RUFY3: variants seen among roughly 807,000 people sequenced by gnomAD.
RUFY3 encodes the protein RUN and FYVE domain containing 3.
RUFY3 carries 34 observed loss-of-function variants against 84.0 expected under a neutral mutation model. The observed-to-expected ratio is 0.40, with a 90% confidence interval of 0.31 to 0.54. The LOEUF (loss-of-function observed/expected upper bound fraction) is 0.54, where lower values mean the gene tolerates loss of function less well. Ranked by LOEUF, RUFY3 falls within the 20% of genes least tolerant of loss-of-function variation. The probability of loss-of-function intolerance (pLI) is 0.39; values close to 1 mark genes in which losing one functional copy is unlikely to be tolerated. For synonymous variants in RUFY3, 242 were observed against 252.9 expected, an observed-to-expected ratio of 0.96 and a Z score of 0.41; for missense variants, 507 against 736.8, an observed-to-expected ratio of 0.69 and a Z score of 3.61.
chr4:70,801,174 A>AG (rs1172382525), intron 15 of RUFY3, among the ~76,000 whole-genome samples: 1 of 152,092 alleles, frequency 6.6e-6, no homozygotes. Context: ...AAAAAAAAAA[A>AG]AAAAAAATCA....
intron 8 of RUFY3, among the ~76,000 whole-genome samples, chr4:70,779,228 A>G (rs1351177571): frequency 1.3e-5 from 2 of 152,184 alleles, no homozygotes; most frequent in Admixed American, 1.3e-4. Flanking sequence ...AAGATCAGTA[A>G]TCCCTGCCTA....
intron 5 of RUFY3, among the ~76,000 whole-genome samples, chr4:70,769,936 C>G (rs1164640083): frequency 1.3e-5 from 2 of 152,166 alleles, no homozygotes; most frequent in Non-Finnish European, 2.9e-5. Context: ...AATCCTCATG[C>G]CTCATCCTCC....
At chr4:70,762,462 T>C in intron 1 of RUFY3, 57 bp from the exon 2 acceptor site, 2 of 1,484,310 alleles carry the variant, frequency 1.3e-6, no homozygotes, top group Non-Finnish European at 1.8e-6. Context: ...TAATACTGAA[T>C]TTTAAAATGT....
intron 1 of RUFY3, among the ~76,000 whole-genome samples, chr4:70,705,697 TAA>T (rs1740239356): frequency 6.6e-6 from 1 of 152,102 alleles, no homozygotes. Context: ...CGAAGGAGTC[TAA>T]GAGGGGGCGG....
chr4:70,712,267 G>A (rs1462977329), intron 1 of RUFY3, among the ~76,000 whole-genome samples: 1 of 152,184 alleles, frequency 6.6e-6, no homozygotes, highest in African/African-American at 2.4e-5. Context: ...GTGCCGTGCA[G>A]AGAGCTAGAA....
At chr4:70,724,081 A>T (rs956686866) in intron 1 of RUFY3, among the ~76,000 whole-genome samples, 1 of 152,204 alleles carries the variant, frequency 6.6e-6, no homozygotes, top group Non-Finnish European at 1.5e-5. Flanking sequence ...TATGTGCACA[A>T]GTTATAAGAC....
At chr4:70,721,723 C>T (rs1335224087), upstream of RUFY3, among the ~76,000 whole-genome samples, 2 of 152,012 alleles carry the variant, frequency 1.3e-5, no homozygotes, top group African/African-American at 4.8e-5. Context: ...GATTATTATC[C>T]GGTATTAATT....
intron 17 of RUFY3, 93 bp from the exon 18 acceptor site, chr4:70,806,423 C>T: frequency 7.4e-7 from 1 of 1,354,898 alleles, no homozygotes; most frequent in Non-Finnish European, 1.0e-6. Flanking sequence ...TTTGATTAGG[C>T]ATTGAGCATT....
At chr4:70,786,766 C>G (rs1001969351) in intron 10 of RUFY3, among the ~76,000 whole-genome samples, 1 of 151,524 alleles carries the variant, frequency 6.6e-6, no homozygotes, top group Non-Finnish European at 1.5e-5. Flanking sequence ...TATTAATAAC[C>G]CCTGGTATTC....
intron 17 of RUFY3, among the ~76,000 whole-genome samples, chr4:70,804,915 A>T (rs1732680400): frequency 6.6e-6 from 1 of 152,190 alleles, no homozygotes; most frequent in Non-Finnish European, 1.5e-5. Context: ...ACAGAGCGAG[A>T]CTCTGTCTAA....
At chr4:70,732,010 A>G (rs1223257905) in intron 1 of RUFY3, among the ~76,000 whole-genome samples, 2 of 152,180 alleles carry the variant, frequency 1.3e-5, no homozygotes, top group Non-Finnish European at 2.9e-5. Flanking sequence ...ACTCCTTTTC[A>G]ACATACTTAC....
chr4:70,789,118 T>C, intron 11 of RUFY3, 145 bp downstream of exon 11: 1 of 1,402,136 alleles, frequency 7.1e-7, no homozygotes, highest in Non-Finnish European at 9.4e-7. Context: ...TAAACTACTT[T>C]CAGAATCAGA....
chr4:70,789,772 T>C, intron 12 of RUFY3, 180 bp downstream of exon 12: 13 of 1,254,328 alleles, frequency 1.0e-5, no homozygotes, highest in Non-Finnish European at 1.3e-5. Context: ...CTGAAATGTT[T>C]TTAGGAAATG....
chr4:70,717,424 C>T (rs567429261), upstream of RUFY3, among the ~76,000 whole-genome samples: 1 of 152,214 alleles, frequency 6.6e-6, no homozygotes, highest in South Asian at 2.1e-4. Flanking sequence ...TGCCCACTTA[C>T]TAAAAGCCTG....
Position 70,806,702 on chromosome 4 carries a change from C to CTCTG in RUFY3, c.*45_*48dup, listed in dbSNP as rs1560583369. On this transcript the variant is annotated 3_prime_UTR_variant, in exon 18 of 18. Coordinates refer to ENST00000381006, the MANE Select transcript of RUFY3 (RefSeq NM_001037442.4). The stretch of plus-strand genomic sequence containing the variant: ...TGGACCAAAACGTTTATGCAGGCTC[C>CTCTG]TCTGTACCTGTGTTTTAGCTGTCAG... 6.2e-7 allele frequency: 1 copy of CTCTG among 1,609,650 alleles called. No homozygotes were observed. Among genetic ancestry groups the CTCTG allele is most frequent in the East Asian group, 2.2e-5 (1 of 44,814 alleles).
At chr4:70,725,290 T>C (rs1718042956) in intron 1 of RUFY3, among the ~76,000 whole-genome samples, 1 of 152,174 alleles carries the variant, frequency 6.6e-6, no homozygotes, top group Non-Finnish European at 1.5e-5. Flanking sequence ...TCAATGCTTA[T>C]TGGTGGTCAA....
chr4:70,734,407 T>G, intron 1 of RUFY3: 1 of 985,376 alleles, frequency 1.0e-6, no homozygotes, highest in Non-Finnish European at 1.2e-6. Context: ...CAGCCTTAGA[T>G]TTACACTGTC....
At chr4:70,709,161 C>A (rs77759876) in intron 1 of RUFY3, among the ~76,000 whole-genome samples, 12,874 of 152,230 alleles carry the variant, frequency 0.085, 1,280 homozygotes, top group East Asian at 0.23. Flanking sequence ...TGAAATCAAT[C>A]TGCTTCAATG....
chr4:70,740,607 GTAA>G (rs1174629047), intron 1 of RUFY3, among the ~76,000 whole-genome samples: 1 of 152,186 alleles, frequency 6.6e-6, no homozygotes, highest in Non-Finnish European at 1.5e-5. Flanking sequence ...AGTCTGTAAA[GTAA>G]TAATGTGGAT....
Sources: gnomAD v4.1 joint callset for allele counts (sites outside exome capture counted in the v4.1 genomes callset) on GRCh38, gnomAD v4.1.1 for gene constraint, MANE v1.5 for transcripts, NCBI Gene and HGNC (gene_info 2026-07-23, HGNC 2026-07-21) for gene names.